The following DCDC2 variants were observed in gnomAD, a reference collection of about 807,000 sequenced individuals.
DCDC2 encodes doublecortin domain containing 2, also known as doublecortin domain-containing protein 2.
DCDC2 carries 40 observed loss-of-function variants against 50.2 expected under a neutral mutation model. The observed-to-expected ratio is 0.80, with a 90% CI of 0.62 to 1.04. The LOEUF is 1.04. DCDC2 is among the 50% of genes least tolerant of loss of function. DCDC2 has a pLI of 0.00. For missense variants in DCDC2, 570 were observed against 581.9 expected (o/e 0.98, Z 0.21); for synonymous variants, 234 against 210.6 (o/e 1.11, Z -0.96).
chr6:24,185,688 TACACACACACACACACAC>T (rs35379687), intron 8 of DCDC2, among the ~76,000 whole-genome samples: 17 of 144,400 alleles, frequency 1.2e-4, no homozygotes, highest in African/African-American at 3.9e-4. Flanking sequence ...TCCATACACA[TACACACACACACACACAC>T]ACACACACAC....
At chr6:24,189,945 T>C (rs1161063411) in intron 8 of DCDC2, among the ~76,000 whole-genome samples, 1 of 152,184 alleles carries the variant, frequency 6.6e-6, no homozygotes, top group Non-Finnish European at 1.5e-5. Context: ...TTATTATTTC[T>C]GTTCCCATGG....
chr6:24,277,156 C>T (rs764080122), intron 7 of DCDC2, among the ~76,000 whole-genome samples: 75 of 152,262 alleles, frequency 4.9e-4, no homozygotes, highest in Non-Finnish European at 2.6e-4. Flanking sequence ...CTCTTCATAT[C>T]GACTTTGAAA....
chr6:24,238,384 C>T (rs932962029), intron 7 of DCDC2, among the ~76,000 whole-genome samples: 24 of 151,046 alleles, frequency 1.6e-4, no homozygotes, highest in African/African-American at 4.6e-4. Flanking sequence ...CTGCAACCTC[C>T]GCCTCCCGGG....
chr6:24,232,240 A>T (rs916462492), intron 7 of DCDC2, among the ~76,000 whole-genome samples: 2 of 152,230 alleles, frequency 1.3e-5, no homozygotes, highest in Non-Finnish European at 2.9e-5. Flanking sequence ...TCAATTAACC[A>T]GGCACAGAAA....
chr6:24,177,631 T>C (rs1760954037), intron 9 of DCDC2, among the ~76,000 whole-genome samples: 1 of 152,164 alleles, frequency 6.6e-6, no homozygotes, highest in Admixed American at 6.5e-5. Context: ...AGCAACAGGA[T>C]CATATTGTCC....
intron 2 of DCDC2, among the ~76,000 whole-genome samples, chr6:24,302,478 T>C (rs1267515692): frequency 6.6e-6 from 1 of 152,080 alleles, no homozygotes; most frequent in East Asian, 1.9e-4. Flanking sequence ...TGCTTTCTGA[T>C]CCTTGGCCCC....
At chr6:24,197,985 T>C (rs1248716948) in intron 8 of DCDC2, among the ~76,000 whole-genome samples, 10 of 152,282 alleles carry the variant, frequency 6.6e-5, no homozygotes, top group Admixed American at 3.9e-4. Flanking sequence ...TAACACTACT[T>C]AGTCCATTCT....
intron 2 of DCDC2, among the ~76,000 whole-genome samples, chr6:24,319,001 A>G (rs1759724378): frequency 6.6e-6 from 1 of 152,052 alleles, no homozygotes; most frequent in Admixed American, 6.6e-5. Flanking sequence ...TCTTTGAGAA[A>G]TCTCCATTAT....
At chr6:24,225,937 C>T (rs1762225011) in intron 7 of DCDC2, among the ~76,000 whole-genome samples, 1 of 152,198 alleles carries the variant, frequency 6.6e-6, no homozygotes, top group Admixed American at 6.5e-5. Context: ...CACTACTACA[C>T]ACCATTGTGA....
chr6:24,341,518 T>A lies in DCDC2; in HGVS notation c.348+12051A>T, dbSNP rs201772499. On this transcript the variant is annotated intron_variant, in intron 2 of 9. Transcript: ENST00000378454. ...GTGCAAATAGAGACCTACCTTTTTT[T>A]AAAAAAAAAAAATGCCTCCATCCAT... Among the ~76,000 whole-genome samples the A allele has an allele frequency of 4.1e-3, 606 of 149,328 alleles. 1 individual carries two copies. The highest frequency in any genetic ancestry group is 0.012 in the African/African-American group (505 of 40,768).
chr6:24,287,048 C>T (rs1013860249), intron 6 of DCDC2, among the ~76,000 whole-genome samples: 3 of 152,158 alleles, frequency 2.0e-5, no homozygotes, highest in African/African-American at 7.2e-5. Context: ...TCTGATGCTC[C>T]CAAAATGGAC....
the DCDC2 span, among the ~76,000 whole-genome samples, chr6:24,375,080 T>C: frequency 0.54 from 81,598 of 152,152 alleles, 23,998 homozygotes; most frequent in East Asian, 0.8. Context: ...GCCCCACTCT[T>C]CATCTGCTGC....
chr6:24,198,353 C>T (rs1030710735), intron 8 of DCDC2, among the ~76,000 whole-genome samples: 3 of 152,158 alleles, frequency 2.0e-5, no homozygotes, highest in African/African-American at 4.8e-5. Flanking sequence ...CCACAGAAGG[C>T]GAGCTGAAGC....
At chr6:24,246,479 CTTTTTTTTTTTT>C (rs4052666) in intron 7 of DCDC2, among the ~76,000 whole-genome samples, 2 of 70,792 alleles carry the variant, frequency 2.8e-5, no homozygotes, top group African/African-American at 1.2e-4. Flanking sequence ...TTTTCTTTTT[CTTTTTTTTTTTT>C]TTTTTTTTTT....
chr6:24,197,956 T>A (rs1280658501), intron 8 of DCDC2, among the ~76,000 whole-genome samples: 1 of 152,154 alleles, frequency 6.6e-6, no homozygotes, highest in Non-Finnish European at 1.5e-5. Flanking sequence ...TTTTATTTCT[T>A]CCATCATTTA....
intron 7 of DCDC2, among the ~76,000 whole-genome samples, chr6:24,274,620 AAAAAAAAAAGAAG>A (rs1763311090): frequency 7.0e-6 from 1 of 142,392 alleles, no homozygotes; most frequent in Non-Finnish European, 1.6e-5. Context: ...AAAAAAAAAA[AAAAAAAAAAGAAG>A]AAAAGAAAAG....
chr6:24,338,517 A>G (rs200917601), intron 2 of DCDC2, among the ~76,000 whole-genome samples: 1 of 152,112 alleles, frequency 6.6e-6, no homozygotes, highest in Admixed American at 6.5e-5. Flanking sequence ...CACCATCTCA[A>G]CAGCCTCTCC....
Position 24,301,980 on chromosome 6 carries a change from G to A in DCDC2, c.413C>T (p.Pro138Leu). 3 of 1,613,954 alleles carry A rather than the reference G, an allele frequency of 1.9e-6. No individual in the cohort carries two copies. The highest frequency in any genetic ancestry group is 2.5e-6 in the Non-Finnish European group (3 of 1,179,942). Residue 138 changes from proline to leucine, a missense_variant, in exon 3 of 10, where the codon CCG becomes CTG. Physicochemically the swap from Pro to Leu is moderately conservative, Grantham distance 98. Coordinates refer to ENST00000378454, the MANE Select transcript of DCDC2 (RefSeq NM_016356.5). ...GGTTTCAACTTACAAGATAGTGCAC[G>A]GCTCCTGAAGCGGTTTTCTAAAGCG... ...SARFRKPLQEPCTIFLIANGD... is the reference protein window; with the variant it reads ...SARFRKPLQELCTIFLIANGD...
intron 5 of DCDC2, 59 bp from the exon 6 acceptor site, chr6:24,288,965 C>A: frequency 7.6e-7 from 1 of 1,315,490 alleles, no homozygotes. Context: ...ATGTACAATG[C>A]AAGATAATTA....
Sources: allele counts gnomAD v4.1 joint callset (sites outside exome capture counted in the v4.1 genomes callset), GRCh38; gene constraint gnomAD v4.1.1; transcripts MANE v1.5; gene names NCBI Gene and HGNC (gene_info 2026-07-23, HGNC 2026-07-21).